Variants in ZNF215 observed in about 807,000 individuals in gnomAD.
ZNF215 encodes the protein zinc finger protein 215.
In ZNF215, 24 loss-of-function variants were observed where a neutral mutation model predicts 27.2. The ratio of observed to expected loss-of-function variants is 0.88; its 90% CI spans 0.64 to 1.24. The LOEUF (loss-of-function observed/expected upper bound fraction) is 1.24, where lower values mean the gene tolerates loss of function less well. Among genes scored for constraint, ZNF215 ranks in the 50% most tolerant of loss-of-function variants. ZNF215 has a pLI of 0.00. For synonymous variants in ZNF215, 210 were observed against 204.0 expected (o/e 1.03, Z -0.25); for missense variants, 675 against 605.7 (o/e 1.11, Z -1.20).
chr11:6,933,556 G>A (rs1420955771), intron 3 of ZNF215, among the ~76,000 whole-genome samples: 1 of 152,078 alleles, frequency 6.6e-6, no homozygotes, highest in East Asian at 1.9e-4. Context: ...GGGAGGCCGA[G>A]GCGGGCAGAT....
chr11:6,983,819 G>A (rs1176256589), intron 5 of ZNF215, among the ~76,000 whole-genome samples: 2 of 151,838 alleles, frequency 1.3e-5, no homozygotes, highest in Non-Finnish European at 2.9e-5. Flanking sequence ...ATAAAAACAA[G>A]GAAAAGACAA....
intron 5 of ZNF215, among the ~76,000 whole-genome samples, chr11:6,966,708 A>G (rs1458864087): frequency 6.7e-6 from 1 of 149,908 alleles, no homozygotes; most frequent in African/African-American, 2.5e-5. Flanking sequence ...TCTATTTTTA[A>G]TTTCATTTTT....
At chr11:6,962,290 T>C (rs1427818771), downstream of ZNF215, among the ~76,000 whole-genome samples, 3 of 152,092 alleles carry the variant, frequency 2.0e-5, no homozygotes, top group Admixed American at 1.3e-4. Context: ...GCAGTCAAAA[T>C]CAACCCTCTT....
chr11:6,961,545 C>T (rs1315791337), downstream of ZNF215, among the ~76,000 whole-genome samples: 1 of 152,148 alleles, frequency 6.6e-6, no homozygotes, highest in Non-Finnish European at 1.5e-5. Flanking sequence ...CTTACCTTCA[C>T]TGTCACCAGG....
downstream of ZNF215, among the ~76,000 whole-genome samples, chr11:6,958,380 G>A (rs960902999): frequency 3.3e-5 from 5 of 152,230 alleles, no homozygotes; most frequent in African/African-American, 1.2e-4. Context: ...TTGAGCCTAA[G>A]TAAAATACTT....
At chr11:6,939,181 A>C (rs1849546636) in intron 3 of ZNF215, among the ~76,000 whole-genome samples, 1 of 152,186 alleles carries the variant, frequency 6.6e-6, no homozygotes, top group Non-Finnish European at 1.5e-5. Flanking sequence ...TGGTCATTAG[A>C]GATAAGAAAG....
chr11:6,978,129 T>C (rs542675769), intron 5 of ZNF215, among the ~76,000 whole-genome samples: 1 of 152,168 alleles, frequency 6.6e-6, no homozygotes, highest in Non-Finnish European at 1.5e-5. Flanking sequence ...AAATGTCGAA[T>C]GTAGGTAAAA....
downstream of ZNF215, among the ~76,000 whole-genome samples, chr11:6,985,892 A>G (rs186330018): frequency 2.0e-5 from 3 of 152,052 alleles, no homozygotes; most frequent in East Asian, 5.8e-4. Context: ...TGACACAAAA[A>G]GAAAAAAGGT....
Position 6,957,009 on chromosome 11 carries a change from A to G in ZNF215, c.*478A>G. 2 of 987,134 alleles carry G rather than the reference A, an allele frequency of 2.0e-6. No individual in the cohort carries two copies. The highest frequency in any genetic ancestry group is 2.4e-6 in the Non-Finnish European group (2 of 831,068). 61.1% of individuals were successfully genotyped at this position (987,134 alleles called of 1,614,324 possible). A position where few individuals can be genotyped will look rare whatever the true frequency, so the allele number is the denominator to read the frequency against. Reference sequence around the variant, plus strand: ...TACTTCTAAGGACAGAAATCTCTGAATCAATGGCTAAGACAACAGTAACAG... The same window carrying G: ...TACTTCTAAGGACAGAAATCTCTGAGTCAATGGCTAAGACAACAGTAACAG... On this transcript the variant is annotated 3_prime_UTR_variant, in exon 7 of 7. Transcript: ENST00000278319.
At chr11:6,955,100 G>C (rs747267017) in intron 6 of ZNF215, among the ~76,000 whole-genome samples, 12 of 152,106 alleles carry the variant, frequency 7.9e-5, no homozygotes, top group Non-Finnish European at 1.8e-4. Flanking sequence ...TGTTGGAATT[G>C]GGAGTTATTT....
At chr11:6,952,742 T>G (rs900756696) in intron 6 of ZNF215, among the ~76,000 whole-genome samples, 2 of 152,156 alleles carry the variant, frequency 1.3e-5, no homozygotes, top group Non-Finnish European at 2.9e-5. Flanking sequence ...ACATGTAAAG[T>G]TAATATTGTT....
intron 5 of ZNF215, among the ~76,000 whole-genome samples, chr11:6,971,436 C>T (rs960582489): frequency 6.6e-6 from 1 of 152,058 alleles, no homozygotes; most frequent in East Asian, 1.9e-4. Flanking sequence ...ATGCCTTCTC[C>T]TCTATCTCCC....
intron 6 of ZNF215, among the ~76,000 whole-genome samples, chr11:6,946,643 T>G (rs1462410425): frequency 6.6e-6 from 1 of 152,232 alleles, no homozygotes; most frequent in African/African-American, 2.4e-5. Flanking sequence ...GCACATTTCC[T>G]TAAGGAAGTC....
chr11:6,965,217 G>A (rs1850596192), intron 5 of ZNF215, among the ~76,000 whole-genome samples: 2 of 152,134 alleles, frequency 1.3e-5, no homozygotes, highest in Admixed American at 1.3e-4. Flanking sequence ...GGTAGTACAT[G>A]TTATACAGAG....
chr11:6,928,037 T>G (rs1849122635), intron 2 of ZNF215, among the ~76,000 whole-genome samples: 1 of 151,864 alleles, frequency 6.6e-6, no homozygotes, highest in Non-Finnish European at 1.5e-5. Flanking sequence ...TCTTTTATCT[T>G]TTTTTTTAGA....
At chr11:6,984,118 T>G in intron 5 of ZNF215, 1 of 417,896 alleles carries the variant, frequency 2.4e-6, no homozygotes, top group Non-Finnish European at 4.7e-6. Flanking sequence ...TTAAATTTTT[T>G]TTTTTTTCAG....
intron 3 of ZNF215, among the ~76,000 whole-genome samples, chr11:6,935,380 T>C (rs1032251264): frequency 2.8e-4 from 43 of 152,346 alleles, no homozygotes; most frequent in African/African-American, 8.9e-4. Flanking sequence ...GACCAGTTGA[T>C]GGTTTTTGTT....
At chr11:6,953,081 G>T (rs1388942613) in intron 6 of ZNF215, among the ~76,000 whole-genome samples, 2 of 152,160 alleles carry the variant, frequency 1.3e-5, no homozygotes, top group Non-Finnish European at 2.9e-5. Context: ...CTTCTGGCTT[G>T]TAGAGTTTCT....
chr11:6,960,699 T>C (rs1480524509), downstream of ZNF215, among the ~76,000 whole-genome samples: 1 of 152,114 alleles, frequency 6.6e-6, no homozygotes, highest in Non-Finnish European at 1.5e-5. Flanking sequence ...CCCTGATTAC[T>C]TCACTCGTCA....
Sources: gnomAD v4.1 joint callset for allele counts (sites outside exome capture counted in the v4.1 genomes callset) on GRCh38, gnomAD v4.1.1 for gene constraint, MANE v1.5 for transcripts, NCBI Gene and HGNC (gene_info 2026-07-23, HGNC 2026-07-21) for gene names.